Variants in KIFAP3 observed in about 807,000 individuals in gnomAD.
KIFAP3 encodes the protein kinesin-associated protein 3.
A neutral mutation model predicts 106.5 loss-of-function variants in KIFAP3; 68 were observed. The observed-to-expected ratio is 0.64, with a 90% CI of 0.53 to 0.78. The LOEUF is 0.78. KIFAP3 is among the 30% of genes least tolerant of loss of function. The probability of loss-of-function intolerance (pLI) is 0.00; values close to 1 mark genes in which losing one functional copy is unlikely to be tolerated. For synonymous variants in KIFAP3, 320 were observed against 311.5 expected, an observed-to-expected ratio of 1.03 and a Z score of -0.29; for missense variants, 780 against 941.8, an observed-to-expected ratio of 0.83 and a Z score of 2.25.
chr1:169,928,514 T>A (rs1035109374), intron 19 of KIFAP3, among the ~76,000 whole-genome samples: 2 of 151,654 alleles, frequency 1.3e-5, no homozygotes, highest in African/African-American at 4.8e-5. Context: ...GTTCAAGACA[T>A]GGCAAAACCT....
At chr1:170,076,467 G>A (rs959519722), upstream of KIFAP3, among the ~76,000 whole-genome samples, 3 of 152,018 alleles carry the variant, frequency 2.0e-5, no homozygotes, top group African/African-American at 7.2e-5. Flanking sequence ...GGAATCAAAT[G>A]GAATTACTGG....
chr1:169,988,164 C>T (rs914680858), intron 11 of KIFAP3, among the ~76,000 whole-genome samples: 2 of 151,982 alleles, frequency 1.3e-5, no homozygotes, highest in South Asian at 4.1e-4. Flanking sequence ...TCACCCACTC[C>T]GGATGCTAAA....
At chr1:169,947,944 A>G (rs1664526844) in intron 19 of KIFAP3, among the ~76,000 whole-genome samples, 1 of 151,154 alleles carries the variant, frequency 6.6e-6, no homozygotes, top group Non-Finnish European at 1.5e-5. Context: ...TTAGAGAACC[A>G]GTGTAATATA....
At chr1:170,020,593 G>A (rs1668760113) in intron 9 of KIFAP3, among the ~76,000 whole-genome samples, 1 of 152,074 alleles carries the variant, frequency 6.6e-6, no homozygotes, top group Non-Finnish European at 1.5e-5. Flanking sequence ...GACTACAGGT[G>A]CCCACCACCA....
chr1:170,013,040 A>AAAAGACAC (rs1234475242), intron 10 of KIFAP3, among the ~76,000 whole-genome samples: 9 of 152,124 alleles, frequency 5.9e-5, no homozygotes, highest in African/African-American at 2.2e-4. Context: ...GTGCCTTTAG[A>AAAAGACAC]AAAGACACCT....
chr1:169,932,523 C>T (rs1237043870), intron 19 of KIFAP3, among the ~76,000 whole-genome samples: 3 of 151,994 alleles, frequency 2.0e-5, no homozygotes, highest in Non-Finnish European at 2.9e-5. Context: ...AAGTGCTACA[C>T]AAAATGGGCT....
At position 170,039,013 on chromosome 1, in the gene KIFAP3, G is replaced by A. The variant is rs569267257; in HGVS notation, c.375+220C>T. 2.0e-5 allele frequency among the ~76,000 whole-genome samples: 3 copies of A among 152,316 alleles called. No individual in the cohort carries two copies. The South Asian group carries it at 6.2e-4, about 32-fold the overall frequency. The stretch of plus-strand genomic sequence containing the variant: ...CAGGAAAATCGCTTGAACCCGGGAG[G>A]CGGAGGTTGTGGTGAGATGAGATAG... On this transcript the variant is annotated intron_variant, in intron 4 of 19. Transcript: ENST00000361580.
chr1:170,005,163 A>G (rs1667882650), intron 10 of KIFAP3, among the ~76,000 whole-genome samples: 1 of 151,520 alleles, frequency 6.6e-6, no homozygotes, highest in African/African-American at 2.4e-5. Flanking sequence ...ATGAGATACC[A>G]TCTCACACCA....
chr1:170,041,975 C>T, intron 3 of KIFAP3: 1 of 705,164 alleles, frequency 1.4e-6, no homozygotes, highest in Non-Finnish European at 2.1e-6. Context: ...TTATCAGGGT[C>T]TCATGTCTGT....
intron 17 of KIFAP3, among the ~76,000 whole-genome samples, chr1:169,968,278 G>A (rs1361043909): frequency 3.3e-5 from 5 of 151,814 alleles, no homozygotes; most frequent in African/African-American, 9.7e-5. Context: ...GTTAACCACC[G>A]AAACATTATG....
chr1:170,051,138 G>A (rs183685368), intron 2 of KIFAP3, among the ~76,000 whole-genome samples: 1 of 150,294 alleles, frequency 6.7e-6, no homozygotes, highest in African/African-American at 2.5e-5. Flanking sequence ...AAGGAATGGA[G>A]GAATATTTAC....
chr1:170,076,590 A>C (rs893903881), upstream of KIFAP3, among the ~76,000 whole-genome samples: 16 of 152,258 alleles, frequency 1.1e-4, no homozygotes, highest in African/African-American at 2.9e-4. Flanking sequence ...CTACTGCATC[A>C]GATCTTTACT....
intron 7 of KIFAP3, among the ~76,000 whole-genome samples, chr1:170,032,734 G>C (rs1043317620): frequency 2.6e-5 from 4 of 151,644 alleles, no homozygotes; most frequent in Admixed American, 6.6e-5. Context: ...GAATTCTGAT[G>C]TCATTTTTAT....
chr1:169,976,639 C>G (rs1666231639), intron 16 of KIFAP3, among the ~76,000 whole-genome samples: 1 of 152,052 alleles, frequency 6.6e-6, no homozygotes. Context: ...ATTTCGATAG[C>G]CCATATTAAT....
chr1:169,963,298 G>A (rs1246797944), intron 17 of KIFAP3, among the ~76,000 whole-genome samples: 1 of 152,098 alleles, frequency 6.6e-6, no homozygotes, highest in African/African-American at 2.4e-5. Context: ...CTTTTTTATG[G>A]CTGTGTAATA....
Position 170,074,668 on chromosome 1 carries a change from A to G in KIFAP3, c.-201T>C, listed in dbSNP as rs1379710531. On this transcript the variant is annotated 5_prime_UTR_variant, in exon 1 of 20. Coordinates refer to ENST00000361580, the MANE Select transcript of KIFAP3 (RefSeq NM_014970.4). ...CAGCTTCTGTGCCCCAAAACACTGG[A>G]GCGGCCCAGACCCGCCCAGAGTCGC... 2.3e-5 allele frequency: 34 copies of G among 1,447,456 alleles called. No homozygotes were observed. The highest frequency in any genetic ancestry group is 7.6e-5 in the East Asian group (3 of 39,448). 89.7% of individuals were successfully genotyped at this position (1,447,456 alleles called of 1,614,324 possible).
chr1:170,014,335 C>A (rs1209878506), intron 10 of KIFAP3, among the ~76,000 whole-genome samples: 1 of 152,218 alleles, frequency 6.6e-6, no homozygotes, highest in African/African-American at 2.4e-5. Flanking sequence ...TAAATGTTAT[C>A]TTTCACTTAT....
At chr1:170,003,931 C>T (rs1015725427) in intron 10 of KIFAP3, among the ~76,000 whole-genome samples, 19 of 152,112 alleles carry the variant, frequency 1.2e-4, no homozygotes, top group African/African-American at 4.6e-4. Context: ...TCCCTGTTTG[C>T]AGATGACATG....
At chr1:170,061,189 GCA>G (rs1671132668) in intron 1 of KIFAP3, among the ~76,000 whole-genome samples, 1 of 152,142 alleles carries the variant, frequency 6.6e-6, no homozygotes, top group African/African-American at 2.4e-5. Flanking sequence ...AAGAGCTTCT[GCA>G]CAGCAAAAGA....
Sources: gnomAD v4.1 joint callset for allele counts (sites outside exome capture counted in the v4.1 genomes callset) on GRCh38, gnomAD v4.1.1 for gene constraint, MANE v1.5 for transcripts, NCBI Gene and HGNC (gene_info 2026-07-23, HGNC 2026-07-21) for gene names.